The following LMLN variants were observed in gnomAD, a reference collection of about 807,000 sequenced individuals.
LMLN encodes leishmanolysin like peptidase.
Under a neutral mutation model 92.3 loss-of-function variants are expected in LMLN, and 70 were observed. That is an observed-to-expected ratio of 0.76 (90% CI 0.63 to 0.92). The LOEUF (loss-of-function observed/expected upper bound fraction) is 0.92, where lower values mean the gene tolerates loss of function less well. Among genes scored for constraint, LMLN ranks in the 40% least tolerant of loss-of-function variants. The pLI is 0.00. For missense variants in LMLN, 691 were observed against 814.6 expected, an observed-to-expected ratio of 0.85 and a Z score of 1.85; for synonymous variants, 308 against 296.2, an observed-to-expected ratio of 1.04 and a Z score of -0.41.
At chr3:197,967,921 C>T (rs532872594) in intron 1 of LMLN, among the ~76,000 whole-genome samples, 17 of 152,166 alleles carry the variant, frequency 1.1e-4, no homozygotes, top group Non-Finnish European at 2.4e-4. Flanking sequence ...CTCTCTGCAA[C>T]AAGAAAAATA....
At chr3:198,040,469 T>C (rs1487556146) in exon 16 of LMLN, 2 of 152,276 alleles carry the variant, frequency 1.3e-5, no homozygotes. Flanking sequence ...GCGATGCCCA[T>C]TCTTTCTCTC....
chr3:197,977,750 CATATAAAAATCATCAAACA>C (rs1721434300), intron 5 of LMLN, among the ~76,000 whole-genome samples: 1 of 149,170 alleles, frequency 6.7e-6, no homozygotes, highest in African/African-American at 2.5e-5. Context: ...ATTCTGGATA[CATATAAAAATCATCAAACA>C]GTCTGGAAGT....
At chr3:198,029,245 A>G (rs972505709) in intron 14 of LMLN, among the ~76,000 whole-genome samples, 9 of 152,234 alleles carry the variant, frequency 5.9e-5, no homozygotes, top group Non-Finnish European at 8.8e-5. Context: ...TCAAGCCATT[A>G]TCACTTCACA....
chr3:198,003,247 T>C (rs1042979868), intron 11 of LMLN, 122 bp downstream of exon 12: 1 of 575,040 alleles, frequency 1.7e-6, no homozygotes, highest in African/African-American at 1.9e-5. Context: ...TTAAAATATA[T>C]AGAAAACCAT....
chr3:197,981,495 G>A (rs1423913439), intron 6 of LMLN, among the ~76,000 whole-genome samples: 6 of 152,218 alleles, frequency 3.9e-5, no homozygotes, highest in Non-Finnish European at 5.9e-5. Context: ...TGTGAAGAAA[G>A]GTGTTAATAA....
chr3:198,009,722 G>T (rs953370888), intron 11 of LMLN, among the ~76,000 whole-genome samples: 7 of 152,144 alleles, frequency 4.6e-5, no homozygotes, highest in Non-Finnish European at 1.0e-4. Context: ...GTTTTTTAAG[G>T]AATTGGTTCA....
chr3:197,994,239 C>G (rs1560143234), intron 9 of LMLN, among the ~76,000 whole-genome samples: 1 of 152,104 alleles, frequency 6.6e-6, no homozygotes, highest in African/African-American at 2.4e-5. Context: ...CCTCAAAGTG[C>G]AGGCAACAAA....
chr3:198,007,358 G>A (rs1213680108), intron 11 of LMLN, among the ~76,000 whole-genome samples: 1 of 152,168 alleles, frequency 6.6e-6, no homozygotes, highest in Non-Finnish European at 1.5e-5. Context: ...TTTTGTATAA[G>A]GTGGGAGACT....
rs143425253 is a variant in LMLN at position 198,018,609 on chromosome 3, A to G, written c.1233-644A>G. On this transcript the variant is annotated intron_variant, in intron 11 of 15. Transcript: ENST00000330198. Reference sequence around the variant, plus strand: ...GACACCATGTTCATTTAAATAAGACAAGTCATCAATTTTCCTTAAAATAAG... The same window carrying G: ...GACACCATGTTCATTTAAATAAGACGAGTCATCAATTTTCCTTAAAATAAG... 1.8e-3 allele frequency among the ~76,000 whole-genome samples: 268 copies of G among 152,320 alleles called. 2 individuals are homozygous for G. The highest frequency in any genetic ancestry group is 6.1e-3 in the African/African-American group (253 of 41,578).
intron 1 of LMLN, among the ~76,000 whole-genome samples, chr3:197,969,015 C>T (rs992187916): frequency 2.6e-5 from 4 of 151,660 alleles, no homozygotes; most frequent in Admixed American, 6.6e-5. Flanking sequence ...ATGATCATCT[C>T]TAAATTGCTG....
intron 6 of LMLN, among the ~76,000 whole-genome samples, chr3:197,983,566 C>T (rs1317628170): frequency 1.3e-5 from 2 of 152,196 alleles, no homozygotes; most frequent in Non-Finnish European, 2.9e-5. Context: ...CATTTGATAA[C>T]TGCTTTCCTC....
chr3:198,014,160 C>G (rs563132994), intron 11 of LMLN, among the ~76,000 whole-genome samples: 1 of 148,630 alleles, frequency 6.7e-6, no homozygotes, highest in Admixed American at 6.6e-5. Flanking sequence ...AGTCTGACTT[C>G]TCTGTACCCT....
chr3:197,993,294 A>ATCTTCTGG (rs1721927685), intron 9 of LMLN, among the ~76,000 whole-genome samples: 2 of 152,194 alleles, frequency 1.3e-5, no homozygotes, highest in Non-Finnish European at 2.9e-5. Context: ...AATAAAAGGC[A>ATCTTCTGG]TCCAAATAGG....
At chr3:197,997,609 G>T (rs1722064277) in intron 10 of LMLN, among the ~76,000 whole-genome samples, 1 of 152,192 alleles carries the variant, frequency 6.6e-6, no homozygotes, top group African/African-American at 2.4e-5. Context: ...ATTATGCACT[G>T]TACAGCATTT....
intron 1 of LMLN, among the ~76,000 whole-genome samples, chr3:197,972,251 A>G (rs1001338146): frequency 1.8e-4 from 27 of 151,788 alleles, no homozygotes; most frequent in African/African-American, 6.5e-4. Context: ...TTTAGTGGAG[A>G]CAGGGTCTCA....
chr3:198,014,522 T>C, intron 11 of LMLN, among the ~76,000 whole-genome samples: 1 of 95,060 alleles, frequency 1.1e-5, no homozygotes, highest in Non-Finnish European at 2.1e-5. Context: ...CCCTAACTAG[T>C]CTGACTTCTC....
intron 1 of LMLN, among the ~76,000 whole-genome samples, 187 bp downstream of exon 1, chr3:197,960,627 A>C (rs1243697322): frequency 6.6e-6 from 1 of 152,200 alleles, no homozygotes; most frequent in African/African-American, 2.4e-5. Context: ...TTAGGCGCTC[A>C]GAACAGTATC....
At chr3:198,041,120 A>C (rs1451079075) in exon 16 of LMLN, 4 of 152,300 alleles carry the variant, frequency 2.6e-5, no homozygotes, top group Non-Finnish European at 5.9e-5. Flanking sequence ...ATTATTTGGC[A>C]CTAGAGCCAA....
chr3:198,008,060 C>T (rs1722340262), intron 11 of LMLN, among the ~76,000 whole-genome samples: 1 of 152,078 alleles, frequency 6.6e-6, no homozygotes, highest in African/African-American at 2.4e-5. Flanking sequence ...TTAAATCACC[C>T]TTGCATTCCT....
Sources: allele counts gnomAD v4.1 joint callset (sites outside exome capture counted in the v4.1 genomes callset), GRCh38; gene constraint gnomAD v4.1.1; transcripts MANE v1.5; gene names NCBI Gene and HGNC (gene_info 2026-07-23, HGNC 2026-07-21).